TRRAP: variants seen among roughly 807,000 people sequenced by gnomAD.
TRRAP encodes transformation/transcription domain associated protein, also known as transformation/transcription domain-associated protein.
Under a neutral mutation model 438.8 loss-of-function variants are expected in TRRAP, and 41 were observed. That is an observed-to-expected ratio of 0.09 (90% CI 0.07 to 0.12). The LOEUF is 0.12. Among genes scored for constraint, TRRAP ranks in the 10% least tolerant of loss-of-function variants. The probability of loss-of-function intolerance (pLI) is 1.00; values close to 1 mark genes in which losing one functional copy is unlikely to be tolerated. For synonymous variants in TRRAP, 1,994 were observed against 1,962.9 expected (o/e 1.02, Z -0.42); for missense variants, 3,122 against 5,055.1 (o/e 0.62, Z 11.60).
rs1268097412 is a variant in TRRAP, at chr7:98,965,998, G to A, written c.7176+103G>A. On this transcript the variant is annotated intron_variant, in intron 49 of 72. Coordinates refer to ENST00000456197, the MANE Select transcript of TRRAP (RefSeq NM_001375524.1). ...AACTTGAAGCAAAACATTTTTTTCT[G>A]CTGTAATTGCACTCACAGCATCTTT... 12 of 1,301,082 alleles carry A rather than the reference G, an allele frequency of 9.2e-6. No individual in the cohort carries two copies. The East Asian group carries it at 2.5e-4, about 27-fold the overall frequency. 80.6% of individuals were successfully genotyped at this position (1,301,082 alleles called of 1,614,324 possible).
At chr7:98,917,755 G>A in intron 20 of TRRAP, 76 bp downstream of exon 20, 2 of 1,545,256 alleles carry the variant, frequency 1.3e-6, no homozygotes, top group Non-Finnish European at 1.8e-6. Context: ...CTGTACTCAA[G>A]AGTGGGCTCT....
At chr7:98,939,607 T>C (rs1301667794) in intron 30 of TRRAP, among the ~76,000 whole-genome samples, 3 of 152,238 alleles carry the variant, frequency 2.0e-5, no homozygotes, top group African/African-American at 7.2e-5. Flanking sequence ...GTAATACACA[T>C]ACACACCTAT....
In TRRAP at chr7:98,912,051, T is replaced by C. The variant is rs1554408872; in HGVS notation, c.2037T>C (p.Pro679=). The change falls in exon 18 of 73, where the codon CCT becomes CCC. Residue 679 remains proline (P), a synonymous_variant. Transcript: ENST00000456197. ...QIVANSFLAN[P]TTSALFATIL... ...TTGCCAATTCCTTCTTGGCAAATCC[T>C]ACTACCTCTGCTCTGTTTGCTACGA... The C allele has an allele frequency of 6.2e-7, 1 of 1,613,956 alleles. No homozygotes were observed.
intron 4 of TRRAP, among the ~76,000 whole-genome samples, chr7:98,891,274 C>T (rs1162573783): frequency 1.5e-4 from 22 of 144,284 alleles, no homozygotes; most frequent in African/African-American, 4.2e-4. Context: ...TGCAGTGGCA[C>T]GAACTCAGCT....
chr7:98,993,323 A>G (rs1440417026), intron 65 of TRRAP, among the ~76,000 whole-genome samples: 2 of 152,234 alleles, frequency 1.3e-5, no homozygotes, highest in African/African-American at 2.4e-5. Flanking sequence ...TTGAAGCCGC[A>G]TTGTAGACAA....
At chr7:98,930,926 A>G (rs1790296412) in intron 25 of TRRAP, 96 bp downstream of exon 25, 3 of 1,469,822 alleles carry the variant, frequency 2.0e-6, no homozygotes, top group Non-Finnish European at 2.8e-6. Context: ...ATGCTCTCCT[A>G]GCAGCATGGT....
intron 17 of TRRAP, 63 bp from the exon 18 acceptor site, chr7:98,911,959 C>T: frequency 2.1e-6 from 3 of 1,454,338 alleles, no homozygotes; most frequent in Non-Finnish European, 2.8e-6. Context: ...AAGCTTACTA[C>T]TTTGTCTTAA....
chr7:98,890,328 C>T lies in TRRAP; in HGVS notation c.151-7C>T. The T allele has an allele frequency of 6.6e-7, 1 of 1,516,266 alleles. No homozygotes were observed. The highest frequency in any genetic ancestry group is 1.4e-5 in the African/African-American group (1 of 70,426). The allele number at this position is 1,516,266 out of a possible 1,614,324, so 93.9% of individuals were successfully genotyped here. On this transcript the variant is annotated splice_region_variant and splice_polypyrimidine_tract_variant and intron_variant, in intron 3 of 72. Coordinates refer to ENST00000456197, the MANE Select transcript of TRRAP (RefSeq NM_001375524.1). The stretch of plus-strand genomic sequence containing the variant: ...CTGAATGGGGTCTTTTATTTTTGCA[C>T]AATTAGAATGTCACGTCATCTCCTC...
intron 47 of TRRAP, among the ~76,000 whole-genome samples, chr7:98,964,012 C>T (rs1344167765): frequency 6.7e-6 from 1 of 149,128 alleles, no homozygotes; most frequent in Non-Finnish European, 1.5e-5. Context: ...ATCCTGGAGG[C>T]AGAGGTTGCA....
chr7:98,921,634 C>T, intron 20 of TRRAP, 119 bp from the exon 21 acceptor site: 1 of 1,389,986 alleles, frequency 7.2e-7, no homozygotes, highest in Non-Finnish European at 9.9e-7. Context: ...CCTTAGCCTC[C>T]CAAAGTTCTG....
chr7:98,971,912 C>T lies in TRRAP; in HGVS notation c.7806C>T (p.His2602=), dbSNP rs1296118788. 5 of 1,614,062 alleles carry T rather than the reference C, an allele frequency of 3.1e-6. No homozygotes were observed. Among genetic ancestry groups the T allele is most frequent in the East Asian group, 2.2e-5 (1 of 44,904 alleles). ...GNQLHMLTNR[H]DKFLDTLREV... ...AGCTGCACATGCTAACCAACAGGCA[C>T]GACAAGTTTCTGGACACTCTCCGAG... Residue 2602 remains histidine, a synonymous_variant, in exon 53 of 73, where the codon CAC becomes CAT. Coordinates refer to ENST00000456197, the MANE Select transcript of TRRAP (RefSeq NM_001375524.1).
At chr7:98,895,891 A>C in intron 7 of TRRAP, 71 bp downstream of exon 7, 1 of 1,277,674 alleles carries the variant, frequency 7.8e-7, no homozygotes, top group Non-Finnish European at 1.1e-6. Context: ...ACTTTAGAAC[A>C]GTTGGGTTGC....
intron 37 of TRRAP, 80 bp downstream of exon 37, chr7:98,949,921 A>G (rs1440950041): frequency 4.4e-6 from 7 of 1,573,240 alleles, no homozygotes; most frequent in Non-Finnish European, 6.0e-6. Flanking sequence ...TACTCTGTAC[A>G]AGGCTGTGGT....
intron 18 of TRRAP, among the ~76,000 whole-genome samples, chr7:98,912,604 A>G (rs1330912252): frequency 6.6e-6 from 1 of 152,172 alleles, no homozygotes; most frequent in Non-Finnish European, 1.5e-5. Context: ...TGGTATTAGT[A>G]TTGACACCAC....
intron 62 of TRRAP, among the ~76,000 whole-genome samples, chr7:98,986,041 CTG>C (rs1793136280): frequency 6.6e-6 from 1 of 152,196 alleles, no homozygotes; most frequent in Admixed American, 6.5e-5. Flanking sequence ...GAAGCATACA[CTG>C]TGTGGCCTTT....
At chr7:98,901,054 T>C (rs1240647437) in intron 11 of TRRAP, among the ~76,000 whole-genome samples, 3 of 152,252 alleles carry the variant, frequency 2.0e-5, no homozygotes, top group Non-Finnish European at 4.4e-5. Context: ...AATGTGGAGA[T>C]AGGACCTTGT....
chr7:98,934,780 C>T lies in TRRAP; in HGVS notation c.4015-799C>T, dbSNP rs544575467. 5.3e-5 allele frequency among the ~76,000 whole-genome samples: 8 copies of T among 152,258 alleles called. No homozygotes were observed. In the East Asian group the frequency reaches 1.4e-3, roughly 26 times the overall value. ...CTCCATACCTGCACGCATATATACA[C>T]GCATGCCCTTATATGTGAGGAGAGT... On this transcript the variant is annotated intron_variant, in intron 27 of 72. Coordinates refer to ENST00000456197, the MANE Select transcript of TRRAP (RefSeq NM_001375524.1).
intron 37 of TRRAP, 94 bp from the exon 38 acceptor site, chr7:98,949,970 G>A: frequency 6.3e-7 from 1 of 1,575,474 alleles, no homozygotes; most frequent in Non-Finnish European, 8.6e-7. Context: ...TGGAGAATGG[G>A]CTGTGTCTCT....
chr7:98,999,166 C>G (rs573088752), intron 67 of TRRAP: 33 of 1,581,564 alleles, frequency 2.1e-5, no homozygotes, highest in Non-Finnish European at 2.8e-5. Flanking sequence ...CTGGCCATCT[C>G]TGATCTGGAT....
Sources: allele counts gnomAD v4.1 joint callset (sites outside exome capture counted in the v4.1 genomes callset), GRCh38; gene constraint gnomAD v4.1.1; transcripts MANE v1.5; gene names NCBI Gene and HGNC (gene_info 2026-07-23, HGNC 2026-07-21).